Variants in FHOD3 observed in about 807,000 individuals in gnomAD.
The protein encoded by FHOD3 is formin homology 2 domain containing 3.
FHOD3 carries 90 observed loss-of-function variants against 173.0 expected under a neutral mutation model. The ratio of observed to expected loss-of-function variants is 0.52; its 90% CI spans 0.44 to 0.62. The LOEUF is 0.62. Ranked by LOEUF, FHOD3 falls within the 20% of genes least tolerant of loss-of-function variation. The pLI is 0.00. For missense variants in FHOD3, 1,945 were observed against 2,034.7 expected (o/e 0.96, Z 0.85); for synonymous variants, 828 against 823.0 (o/e 1.01, Z -0.10).
At position 36,432,570 on chromosome 18, in the gene FHOD3, C is replaced by CCTGAGAACA. The variant is rs1237822764; in HGVS notation, c.337+59827_337+59828insTGAGAACAC. 9.9e-5 allele frequency among the ~76,000 whole-genome samples: 15 copies of CCTGAGAACA among 152,246 alleles called. No individual in the cohort carries two copies. In the East Asian group the frequency reaches 1.2e-3, roughly 12 times the overall value. ...AGCCTGGCAGCTGTGACTCAGGGAA[C>CCTGAGAACA]CCTTGCATGTATGCTGGGTGTCCAG... On this transcript the variant is annotated intron_variant, in intron 3 of 28. Coordinates refer to ENST00000590592, the MANE Select transcript of FHOD3 (RefSeq NM_001281740.3).
At chr18:36,454,881 T>A (rs886697169) in intron 3 of FHOD3, among the ~76,000 whole-genome samples, 7 of 152,238 alleles carry the variant, frequency 4.6e-5, no homozygotes, top group African/African-American at 1.4e-4. Context: ...CCGGTTTTCA[T>A]GTTCTTGAGC....
intron 3 of FHOD3, among the ~76,000 whole-genome samples, chr18:36,406,700 A>G (rs760688921): frequency 1.1e-4 from 17 of 152,148 alleles, no homozygotes; most frequent in Non-Finnish European, 2.2e-4. Context: ...GGAATTTTGG[A>G]ATTATTGATA....
chr18:36,305,534 C>T (rs1178828559), intron 1 of FHOD3, among the ~76,000 whole-genome samples: 1 of 152,174 alleles, frequency 6.6e-6, no homozygotes, highest in African/African-American at 2.4e-5. Flanking sequence ...ATTTTTATAG[C>T]AGAGAATGAA....
intron 3 of FHOD3, among the ~76,000 whole-genome samples, chr18:36,404,286 A>T (rs2048959281): frequency 6.6e-6 from 1 of 152,022 alleles, no homozygotes; most frequent in African/African-American, 2.4e-5. Context: ...ATCCCCTGGG[A>T]TGTTGGTTCA....
chr18:36,406,076 GTT>G (rs1207240646), intron 3 of FHOD3, among the ~76,000 whole-genome samples: 1 of 135,732 alleles, frequency 7.4e-6, no homozygotes. Flanking sequence ...GGCCTTGCCT[GTT>G]TTTTGTTTTT....
At chr18:36,506,027 C>G (rs541504876) in intron 4 of FHOD3, among the ~76,000 whole-genome samples, 21 of 152,268 alleles carry the variant, frequency 1.4e-4, no homozygotes, top group African/African-American at 5.1e-4. Flanking sequence ...ACATTTTGTA[C>G]TGGGGACTTA....
At chr18:36,510,082 G>A (rs2055550589) in intron 4 of FHOD3, among the ~76,000 whole-genome samples, 1 of 152,172 alleles carries the variant, frequency 6.6e-6, no homozygotes, top group South Asian at 2.1e-4. Context: ...TGTTTTCTAG[G>A]TGTGGAAGTT....
chr18:36,335,492 C>T lies in FHOD3; in HGVS notation c.166-20047C>T, dbSNP rs1299058586. On this transcript the variant is annotated intron_variant, in intron 1 of 28. Coordinates refer to ENST00000590592, the MANE Select transcript of FHOD3 (RefSeq NM_001281740.3). The stretch of plus-strand genomic sequence containing the variant: ...CCTGGGCGACAGAGCGAGACTCCGT[C>T]TAAAAAAAAAAAAAAAACTTAAAAA... 2.4e-5 allele frequency among the ~76,000 whole-genome samples: 3 copies of T among 122,660 alleles called. No homozygotes were observed. The East Asian group carries it at 6.1e-4, about 25-fold the overall frequency. 80.5% of individuals were successfully genotyped at this position (122,660 alleles called of 152,430 possible). A position where few individuals can be genotyped will look rare whatever the true frequency, so the allele number is the denominator to read the frequency against.
intron 28 of FHOD3, among the ~76,000 whole-genome samples, chr18:36,769,921 T>C (rs965260632): frequency 6.6e-6 from 1 of 152,150 alleles, no homozygotes; most frequent in African/African-American, 2.4e-5. Flanking sequence ...GTCATTGGGA[T>C]GCTTGAAATA....
At chr18:36,537,139 G>C (rs1315278259) in intron 5 of FHOD3, among the ~76,000 whole-genome samples, 1 of 152,128 alleles carries the variant, frequency 6.6e-6, no homozygotes, top group Non-Finnish European at 1.5e-5. Flanking sequence ...CAGGTAGTCA[G>C]TATGGCCTGT....
At chr18:36,298,528 C>T (rs1440882348) in intron 1 of FHOD3, among the ~76,000 whole-genome samples, 1 of 152,212 alleles carries the variant, frequency 6.6e-6, no homozygotes, top group Non-Finnish European at 1.5e-5. Flanking sequence ...GACACCGCCT[C>T]CTCCTTCCCC....
intron 13 of FHOD3, among the ~76,000 whole-genome samples, chr18:36,655,765 AC>A (rs2036385642): frequency 2.1e-5 from 3 of 142,080 alleles, no homozygotes; most frequent in Non-Finnish European, 3.1e-5. Context: ...ACACACACAC[AC>A]ACACACAAAA....
chr18:36,441,422 G>C (rs2051141927), intron 3 of FHOD3, among the ~76,000 whole-genome samples: 1 of 152,164 alleles, frequency 6.6e-6, no homozygotes. Context: ...CGGGAACATA[G>C]AGGATGAGGA....
intron 9 of FHOD3, among the ~76,000 whole-genome samples, chr18:36,614,268 C>A (rs2148652615): frequency 1.3e-5 from 2 of 152,294 alleles, no homozygotes; most frequent in Middle Eastern, 3.4e-3. Context: ...AAAATGTGGT[C>A]TTTGTGGCTA....
intron 17 of FHOD3, among the ~76,000 whole-genome samples, chr18:36,702,112 C>T (rs999637721): frequency 1.3e-5 from 2 of 152,174 alleles, no homozygotes; most frequent in African/African-American, 4.8e-5. Flanking sequence ...GCAACTATTC[C>T]TGTAGAGCAG....
At chr18:36,563,372 C>A (rs2058155257) in intron 5 of FHOD3, among the ~76,000 whole-genome samples, 1 of 152,174 alleles carries the variant, frequency 6.6e-6, no homozygotes, top group Non-Finnish European at 1.5e-5. Context: ...TCATAATACA[C>A]CCCCGCAGGG....
chr18:36,415,983 A>T (rs1431225046), intron 3 of FHOD3, among the ~76,000 whole-genome samples: 1 of 152,228 alleles, frequency 6.6e-6, no homozygotes, highest in Admixed American at 6.5e-5. Flanking sequence ...TTTGTTTTTC[A>T]GACATATTTC....
chr18:36,712,134 T>C (rs2040203045), intron 18 of FHOD3, among the ~76,000 whole-genome samples: 1 of 152,084 alleles, frequency 6.6e-6, no homozygotes, highest in Non-Finnish European at 1.5e-5. Flanking sequence ...ATGCTATACC[T>C]AAAAAGGGTG....
At chr18:36,503,167 G>A (rs1455045622) in intron 4 of FHOD3, among the ~76,000 whole-genome samples, 1 of 152,176 alleles carries the variant, frequency 6.6e-6, no homozygotes, top group African/African-American at 2.4e-5. Flanking sequence ...TAGGACAGGT[G>A]TGCAGAGAAG....
Sources: allele counts gnomAD v4.1 joint callset (sites outside exome capture counted in the v4.1 genomes callset), GRCh38; gene constraint gnomAD v4.1.1; transcripts MANE v1.5; gene names NCBI Gene and HGNC (gene_info 2026-07-23, HGNC 2026-07-21).